Variants in SLC44A2 observed in about 807,000 individuals in gnomAD.
The protein encoded by SLC44A2 is choline transporter-like protein 2.
In SLC44A2, 57 loss-of-function variants were observed where a neutral mutation model predicts 90.8. That is an observed-to-expected ratio of 0.63 (90% CI 0.51 to 0.78). The LOEUF (loss-of-function observed/expected upper bound fraction) is 0.78, where lower values mean the gene tolerates loss of function less well. SLC44A2 is among the 30% of genes least tolerant of loss of function. The pLI, the probability that SLC44A2 is intolerant of heterozygous loss-of-function variation, is 0.00. For synonymous variants in SLC44A2, 355 were observed against 360.7 expected (o/e 0.98, Z 0.18); for missense variants, 794 against 919.7 (o/e 0.86, Z 1.77).
At position 10,626,309 on chromosome 19, in the gene SLC44A2, C is replaced by G. The variant is rs1324154216; in HGVS notation, c.86+8C>G. ...AGGACCCATTTACAATAGGTAAGAG[C>G]TCTGGGTTTTGGGGGGTTCTCCCCG... On this transcript the variant is annotated splice_region_variant and intron_variant, in intron 2 of 21. Coordinates refer to ENST00000335757, the MANE Select transcript of SLC44A2 (RefSeq NM_020428.4). 5 of 1,608,010 alleles carry G rather than the reference C, an allele frequency of 3.1e-6. No individual in the cohort carries two copies. The highest frequency in any genetic ancestry group is 4.3e-6 in the Non-Finnish European group (5 of 1,174,516).
At chr19:10,636,887 G>C (rs2067062665) in intron 16 of SLC44A2, 131 bp downstream of exon 16, 1 of 971,588 alleles carries the variant, frequency 1.0e-6, no homozygotes, top group Non-Finnish European at 1.5e-6. Context: ...GTCTATGACG[G>C]GGTGGAGTTC....
At position 10,636,590 on chromosome 19, in the gene SLC44A2, G is replaced by A. The variant is rs1005932737; in HGVS notation, c.1496+5G>A. 1 of 1,603,980 alleles carries A rather than the reference G, an allele frequency of 6.2e-7. No individual in the cohort carries two copies. Among genetic ancestry groups the A allele is most frequent in the African/African-American group, 1.3e-5 (1 of 74,944 alleles). ...TGCCTTTGGCCGGGCGCTCAGGTGG[G>A]CTGGCGTTGCAGGCAGGATGGGGTG... On this transcript the variant is annotated splice_donor_5th_base_variant and intron_variant, in intron 15 of 21. Transcript: ENST00000335757.
chr19:10,637,574 G>C, intron 16 of SLC44A2, 70 bp from the exon 17 acceptor site: 1 of 1,350,290 alleles, frequency 7.4e-7, no homozygotes, highest in Non-Finnish European at 1.1e-6. Flanking sequence ...GTGTGTGATA[G>C]GGAAGAGGGG....
chr19:10,634,545 G>A (rs2067033025), intron 10 of SLC44A2, among the ~76,000 whole-genome samples: 1 of 152,060 alleles, frequency 6.6e-6, no homozygotes, highest in African/African-American at 2.4e-5. Context: ...GGTTCTGGAA[G>A]TTCTCTTCTG....
At chr19:10,607,953 T>C (rs1296231814) in intron 1 of SLC44A2, among the ~76,000 whole-genome samples, 1 of 149,282 alleles carries the variant, frequency 6.7e-6, no homozygotes, top group African/African-American at 2.5e-5. Context: ...GAGACGGGAT[T>C]TCACCGTGGT....
Position 10,635,164 on chromosome 19 carries a change from G to A in SLC44A2, c.1057G>A (p.Ala353Thr), listed in dbSNP as rs1401674427. Residue 353 changes from alanine (A) to threonine (T), a missense_variant and splice_region_variant, in exon 13 of 22, where the codon GCT becomes ACT. By Grantham distance (58) the Ala-to-Thr change is moderately conservative. Around this residue, in one of 3 missense-constraint regions of SLC44A2, gnomAD observed 738 missense variants for 841.1 expected, o/e 0.88. Transcript: ENST00000335757. Reference sequence around the variant, plus strand: ...GCCTGTGTCTCTGCTCTTCCCTAGGGCTGTGGGATACGTCATGTGCTCCTT... The same window carrying A: ...GCCTGTGTCTCTGCTCTTCCCTAGGACTGTGGGATACGTCATGTGCTCCTT... ...AIALIKEASR[A>T]VGYVMCSLLY... 7.4e-6 allele frequency: 12 copies of A among 1,613,834 alleles called. No individual in the cohort carries two copies. The highest frequency in any genetic ancestry group is 8.5e-6 in the Non-Finnish European group (10 of 1,180,016).
At chr19:10,610,331 C>CTTT (rs1158338646) in intron 1 of SLC44A2, among the ~76,000 whole-genome samples, 9 of 134,458 alleles carry the variant, frequency 6.7e-5, no homozygotes, top group South Asian at 2.4e-4. Flanking sequence ...TTTTCTTTTC[C>CTTT]TTTTTTTTTT....
chr19:10,629,166 T>G (rs2066966127), intron 4 of SLC44A2, among the ~76,000 whole-genome samples: 1 of 146,858 alleles, frequency 6.8e-6, no homozygotes, highest in African/African-American at 2.5e-5. Context: ...ATCGTGCCAC[T>G]GCACTCCAGC....
chr19:10,610,829 G>A (rs916169807), intron 1 of SLC44A2, among the ~76,000 whole-genome samples: 5 of 146,778 alleles, frequency 3.4e-5, no homozygotes, highest in Non-Finnish European at 7.5e-5. Flanking sequence ...TAGTAGAGAC[G>A]GGGTTTCACC....
chr19:10,637,130 C>T lies in SLC44A2; in HGVS notation c.1591+374C>T, dbSNP rs965351454. On this transcript the variant is annotated intron_variant, in intron 16 of 21. Coordinates refer to ENST00000335757, the MANE Select transcript of SLC44A2 (RefSeq NM_020428.4). ...CAGCACTTTGGGAGGCTGAGGCGAG[C>T]GGATCACCTGAGGTCAGGAGACCAG... 5.7e-5 allele frequency: 13 copies of T among 227,690 alleles called. 1 individual carries two copies. The South Asian group carries it at 7.6e-4, about 13-fold the overall frequency. 14.1% of individuals were successfully genotyped at this position (227,690 alleles called of 1,614,324 possible).
At chr19:10,633,187 C>T (rs539549725) in intron 10 of SLC44A2, among the ~76,000 whole-genome samples, 7 of 151,434 alleles carry the variant, frequency 4.6e-5, no homozygotes, top group African/African-American at 1.2e-4. Context: ...GTTGTTGAGA[C>T]GGAGTCTTGC....
chr19:10,627,592 G>C, intron 2 of SLC44A2, 130 bp from the exon 3 acceptor site: 1 of 808,796 alleles, frequency 1.2e-6, no homozygotes, highest in South Asian at 1.5e-5. Context: ...GTGCCCTTTG[G>C]TACGGCATTC....
Position 10,627,981 on chromosome 19 carries a change from C to T in SLC44A2, c.222C>T (p.Cys74=), listed in dbSNP as rs115487732. 9.3e-6 allele frequency: 15 copies of T among 1,613,566 alleles called. No homozygotes were observed. The highest frequency in any genetic ancestry group is 1.7e-5 in the Admixed American group (1 of 59,898). ...CCACTGACAGCCGGGGCGAGTTCTG[C>T]GGGCAGAAGGGCACAAAAAACGAGT... ...IYPTDSRGEF[C]GQKGTKNENK... Residue 74 remains cysteine, a synonymous_variant, in exon 4 of 22, where the codon TGC becomes TGT. Coordinates refer to ENST00000335757, the MANE Select transcript of SLC44A2 (RefSeq NM_020428.4).
chr19:10,636,708 G>C lies in SLC44A2; in HGVS notation c.1543G>C (p.Val515Leu). 6.2e-7 allele frequency: 1 copy of C among 1,613,948 alleles called. No individual in the cohort carries two copies. The change falls in exon 16 of 22, where the codon GTG (valine) becomes CTG (leucine). Residue 515 changes from valine (V) to leucine (L), a missense_variant. This residue lies in a region of SLC44A2 where 738 missense variants were observed against 841.1 expected (regional missense o/e 0.88). Transcript: ENST00000335757. ...LAFGALILAI[V>L]QIIRVILEYL... is the part of the protein sequence containing the mutation. ...CTTTGGCGCGCTCATCCTGGCCATT[G>C]TGCAGATCATCCGTGTGATACTCGA...
chr19:10,612,181 A>T (rs569455468), intron 1 of SLC44A2, among the ~76,000 whole-genome samples: 15 of 151,852 alleles, frequency 9.9e-5, no homozygotes, highest in Non-Finnish European at 1.8e-4. Context: ...CAGCCTGGGC[A>T]ACATAGTGAG....
Position 10,635,043 on chromosome 19 carries a change from T to A in SLC44A2, c.1025T>A (p.Ile342Asn). The A allele has an allele frequency of 6.2e-7, 1 of 1,614,160 alleles. No homozygotes were observed. Among genetic ancestry groups the A allele is most frequent in the East Asian group, 2.2e-5 (1 of 44,882 alleles). ...ATCTTTCTCCGGAAGAGAATTCTCA[T>A]CGCGATTGCACTCATCAAAGAAGCC... ...LLIFLRKRIL[I>N]AIALIKEASR... The change falls in exon 12 of 22, where the codon ATC becomes AAC. Residue 342 changes from isoleucine (I) to asparagine (N), a missense_variant. Ile to Asn is a moderately radical substitution (Grantham distance 149). Around this residue, in one of 3 missense-constraint regions of SLC44A2, gnomAD observed 738 missense variants for 841.1 expected, o/e 0.88. Transcript: ENST00000335757.
Position 10,632,046 on chromosome 19 carries a change from G to T in SLC44A2, c.713G>T (p.Gly238Val), listed in dbSNP as rs1383289048. 6.2e-7 allele frequency: 1 copy of T among 1,613,994 alleles called. No individual in the cohort carries two copies. The highest frequency in any genetic ancestry group is 1.3e-5 in the African/African-American group (1 of 74,924). Reference sequence around the variant, plus strand: ...CATGACCGTTTTCTTTTCCCCAGAGGCCTGGTCATTGCCATGGCGATGAGC... The same window carrying T: ...CATGACCGTTTTCTTTTCCCCAGAGTCCTGGTCATTGCCATGGCGATGAGC... The part of the protein sequence containing the change: ...YTVSWYWIII[G>V]LVIAMAMSLL... The change falls in exon 10 of 22, where the codon GGC becomes GTC. Residue 238 changes from glycine (G) to valine (V), a missense_variant and splice_region_variant. Around this residue, in one of 3 missense-constraint regions of SLC44A2, gnomAD observed 738 missense variants for 841.1 expected, o/e 0.88. Coordinates refer to ENST00000335757, the MANE Select transcript of SLC44A2 (RefSeq NM_020428.4).
intron 4 of SLC44A2, among the ~76,000 whole-genome samples, chr19:10,629,102 G>A (rs924382785): frequency 2.0e-5 from 3 of 151,038 alleles, no homozygotes; most frequent in African/African-American, 7.3e-5. Flanking sequence ...TACTCAGGAG[G>A]CTGAGGCAGG....
At chr19:10,621,799 T>G (rs1021803368), upstream of SLC44A2, among the ~76,000 whole-genome samples, 3 of 152,126 alleles carry the variant, frequency 2.0e-5, no homozygotes, top group African/African-American at 7.2e-5. Context: ...TTTGTAGTAA[T>G]AGAAACAGGG....
Sources: allele counts gnomAD v4.1 joint callset (sites outside exome capture counted in the v4.1 genomes callset), GRCh38; gene constraint gnomAD v4.1.1; regional missense constraint gnomAD v4.1.1; transcripts MANE v1.5; gene names NCBI Gene and HGNC (gene_info 2026-07-23, HGNC 2026-07-21).